MALRD1: variants seen among roughly 807,000 people sequenced by gnomAD.
The protein encoded by MALRD1 is MAM and LDL-receptor class A domain-containing protein 1.
MALRD1 carries 247 observed loss-of-function variants against 242.1 expected under a neutral mutation model. That is an observed-to-expected ratio of 1.02 (90% CI 0.92 to 1.13). MALRD1 has a LOEUF of 1.13. MALRD1 is among the 50% of genes most tolerant of loss of function. The pLI, the probability that MALRD1 is intolerant of heterozygous loss-of-function variation, is 0.00. For missense variants in MALRD1, 2,989 were observed against 2,533.1 expected (o/e 1.18, Z -3.86); for synonymous variants, 995 against 866.6 (o/e 1.15, Z -2.60).
intron 4 of MALRD1, among the ~76,000 whole-genome samples, chr10:19,101,590 T>C (rs895963187): frequency 2.2e-5 from 3 of 134,672 alleles, no homozygotes; most frequent in Non-Finnish European, 4.6e-5. Context: ...AATCTGTATA[T>C]ATAATACATA....
At chr10:19,554,583 A>G (rs1383893520) in intron 32 of MALRD1, among the ~76,000 whole-genome samples, 1 of 151,540 alleles carries the variant, frequency 6.6e-6, no homozygotes, top group East Asian at 1.9e-4. Context: ...GTGTTGTCCC[A>G]TTCTTTGTGT....
chr10:19,339,475 A>C (rs1843746590), intron 24 of MALRD1, among the ~76,000 whole-genome samples: 1 of 152,182 alleles, frequency 6.6e-6, no homozygotes, highest in South Asian at 2.1e-4. Flanking sequence ...TATCTTGGGC[A>C]CCAGGTTTCT....
At chr10:19,525,596 A>G (rs1834068461) in intron 31 of MALRD1, among the ~76,000 whole-genome samples, 1 of 152,198 alleles carries the variant, frequency 6.6e-6, no homozygotes, top group Non-Finnish European at 1.5e-5. Flanking sequence ...GGAAATCTCT[A>G]TTCATTGCCT....
At chr10:19,384,245 A>G (rs1281125638) in intron 26 of MALRD1, among the ~76,000 whole-genome samples, 1 of 142,838 alleles carries the variant, frequency 7.0e-6, no homozygotes, top group African/African-American at 2.6e-5. Flanking sequence ...GTAAGAGTTT[A>G]TATATATATG....
At chr10:19,409,332 G>A (rs1176156239) in intron 28 of MALRD1, among the ~76,000 whole-genome samples, 1 of 152,138 alleles carries the variant, frequency 6.6e-6, no homozygotes, top group Non-Finnish European at 1.5e-5. Flanking sequence ...GCTTACACCT[G>A]TACTCTCAGT....
intron 26 of MALRD1, among the ~76,000 whole-genome samples, chr10:19,371,337 T>A (rs1845366193): frequency 6.6e-6 from 1 of 152,180 alleles, no homozygotes; most frequent in Non-Finnish European, 1.5e-5. Flanking sequence ...GCATATTAGC[T>A]GTACATTTTT....
Position 19,531,285 on chromosome 10 carries a change from C to A in MALRD1, c.5412C>A (p.Ser1804Arg), listed in dbSNP as rs1398480825. 6.5e-7 allele frequency: 1 copy of A among 1,550,300 alleles called. No homozygotes were observed. Among genetic ancestry groups the A allele is most frequent in the African/African-American group, 1.4e-5 (1 of 73,122 alleles). ...CTACTTCCAAATCCTTCCCAGCAAG[C>A]CTTGGAATGTGTACTGTTCGGTTCT... is the stretch of plus-strand genomic sequence containing the variant. ...RITTSKSFPASLGMCTVRFWF... is the reference protein window; with the variant it reads ...RITTSKSFPARLGMCTVRFWF... The change falls in exon 32 of 40, where the codon AGC (serine) becomes AGA (arginine). Residue 1804 changes from serine to arginine, a missense_variant. By Grantham distance (110) the Ser-to-Arg change is moderately radical (BLOSUM62 -1). Coordinates refer to ENST00000454679, the MANE Select transcript of MALRD1 (RefSeq NM_001142308.3).
At chr10:19,172,580 C>G (rs566756317) in intron 13 of MALRD1, among the ~76,000 whole-genome samples, 40 of 151,496 alleles carry the variant, frequency 2.6e-4, no homozygotes, top group African/African-American at 9.4e-4. Context: ...GATTTTACTT[C>G]ACCTCATCCC....
intron 28 of MALRD1, among the ~76,000 whole-genome samples, chr10:19,407,095 T>C (rs1051742574): frequency 3.3e-5 from 5 of 152,170 alleles, no homozygotes; most frequent in African/African-American, 1.2e-4. Flanking sequence ...TTCTGGAATC[T>C]GGCTTCTATG....
chr10:19,624,559 T>C lies in MALRD1; in HGVS notation c.6137+8636T>C, dbSNP rs555922093. ...GGAGCAGATAATAGTATGTGTAATT[T>C]AGCAGTTAAGATGAGGAGCATTTAG... On this transcript the variant is annotated intron_variant, in intron 36 of 39. Coordinates refer to ENST00000454679, the MANE Select transcript of MALRD1 (RefSeq NM_001142308.3). Among the ~76,000 whole-genome samples the C allele has an allele frequency of 2.6e-4, 39 of 152,176 alleles. No individual in the cohort carries two copies. In the South Asian group the frequency reaches 8.1e-3, roughly 32 times the overall value.
intron 20 of MALRD1, among the ~76,000 whole-genome samples, chr10:19,281,783 C>T (rs1840824891): frequency 6.6e-6 from 1 of 152,084 alleles, no homozygotes; most frequent in East Asian, 1.9e-4. Flanking sequence ...ACCAGCTTGG[C>T]CAACATGGCA....
intron 34 of MALRD1, among the ~76,000 whole-genome samples, chr10:19,605,217 C>T (rs777636442): frequency 2.1e-4 from 32 of 151,180 alleles, no homozygotes; most frequent in Admixed American, 8.6e-4. Flanking sequence ...TGCAGTGGCA[C>T]GATCTTGGCT....
intron 14 of MALRD1, among the ~76,000 whole-genome samples, chr10:19,203,450 T>G (rs530197721): frequency 1.3e-3 from 194 of 152,336 alleles, no homozygotes; most frequent in Non-Finnish European, 2.4e-3. Flanking sequence ...TTGGCAATTC[T>G]ATAAGCAATC....
At chr10:19,216,213 G>C (rs1471377724) in intron 18 of MALRD1, among the ~76,000 whole-genome samples, 1 of 148,032 alleles carries the variant, frequency 6.8e-6, no homozygotes, top group Non-Finnish European at 1.5e-5. Flanking sequence ...TGCCTCCCAA[G>C]GTCAAGTGAT....
At position 19,443,292 on chromosome 10, in the gene MALRD1, T is replaced by G. The variant is rs1165909367; in HGVS notation, c.4846-7015T>G. Among the ~76,000 whole-genome samples the G allele has an allele frequency of 3.3e-5, 5 of 152,374 alleles. No individual in the cohort carries two copies. In the East Asian group the frequency reaches 9.6e-4, roughly 29 times the overall value. On this transcript the variant is annotated intron_variant, in intron 28 of 39. Coordinates refer to ENST00000454679, the MANE Select transcript of MALRD1 (RefSeq NM_001142308.3). Reference sequence around the variant, plus strand: ...TCAGCTCCTGGATTCATTGATTTTTTGAAGGGTTTTATTGTGTTTCTATCT... The same window carrying G: ...TCAGCTCCTGGATTCATTGATTTTTGGAAGGGTTTTATTGTGTTTCTATCT...
chr10:19,641,885 C>A (rs1294982150), intron 36 of MALRD1, among the ~76,000 whole-genome samples: 2 of 152,012 alleles, frequency 1.3e-5, no homozygotes, highest in Non-Finnish European at 1.5e-5. Flanking sequence ...AGTGGTGTTA[C>A]AACCCACAGA....
At chr10:19,592,926 C>T (rs960402630) in intron 33 of MALRD1, among the ~76,000 whole-genome samples, 3 of 150,862 alleles carry the variant, frequency 2.0e-5, no homozygotes, top group East Asian at 2.0e-4. Context: ...TCTAGATTCT[C>T]GTTATATGCA....
intron 24 of MALRD1, among the ~76,000 whole-genome samples, chr10:19,339,868 C>T (rs949877604): frequency 6.6e-6 from 1 of 152,160 alleles, no homozygotes; most frequent in Non-Finnish European, 1.5e-5. Flanking sequence ...AACTGACTTA[C>T]AGTTCCACAT....
chr10:19,308,352 A>T (rs1321789438), intron 21 of MALRD1, among the ~76,000 whole-genome samples: 1 of 151,478 alleles, frequency 6.6e-6, no homozygotes. Flanking sequence ...TCCTCCTCCT[A>T]TGTAAACTAT....
Sources: gnomAD v4.1 joint callset for allele counts (sites outside exome capture counted in the v4.1 genomes callset) on GRCh38, gnomAD v4.1.1 for gene constraint, MANE v1.5 for transcripts, NCBI Gene and HGNC (gene_info 2026-07-23, HGNC 2026-07-21) for gene names.